GPC6: variants seen among roughly 807,000 people sequenced by gnomAD.
GPC6 encodes the protein glypican-6.
GPC6 carries 14 observed loss-of-function variants against 55.2 expected under a neutral mutation model. The ratio of observed to expected loss-of-function variants is 0.25; its 90% CI spans 0.17 to 0.40. GPC6 has a LOEUF of 0.40. Among genes scored for constraint, GPC6 ranks in the 10% least tolerant of loss-of-function variants. The pLI, the probability that GPC6 is intolerant of heterozygous loss-of-function variation, is 1.00. For synonymous variants in GPC6, 278 were observed against 259.6 expected (o/e 1.07, Z -0.68); for missense variants, 641 against 708.5 (o/e 0.90, Z 1.08).
intron 3 of GPC6, among the ~76,000 whole-genome samples, chr13:93,991,732 T>C (rs775219913): frequency 2.0e-5 from 3 of 152,174 alleles, no homozygotes; most frequent in Non-Finnish European, 4.4e-5. Flanking sequence ...GGAAGGGTGA[T>C]TACTGAGATG....
In GPC6 at chr13:94,043,516, G is replaced by A. The variant is rs538347203; in HGVS notation, c.877+15622G>A. ...ATAATAAAACCAGGAAATTAACATT[G>A]CTATAATACTATTAACTAAACTATA... On this transcript the variant is annotated intron_variant, in intron 4 of 8. Transcript: ENST00000377047. Among the ~76,000 whole-genome samples, 3 of 151,600 alleles carry A rather than the reference G, an allele frequency of 2.0e-5. No individual in the cohort carries two copies. The South Asian group carries it at 6.2e-4, about 32-fold the overall frequency.
intron 4 of GPC6, among the ~76,000 whole-genome samples, chr13:94,242,061 C>T (rs1891069565): frequency 6.6e-6 from 1 of 151,924 alleles, no homozygotes. Context: ...AATGCTATCC[C>T]TCCCCACTCC....
At chr13:93,474,480 T>A (rs902546795) in intron 1 of GPC6, among the ~76,000 whole-genome samples, 2 of 152,152 alleles carry the variant, frequency 1.3e-5, no homozygotes, top group Non-Finnish European at 2.9e-5. Flanking sequence ...TGCTGAGACT[T>A]TAGTTACCAC....
chr13:94,159,495 A>C (rs1594001980), intron 4 of GPC6, among the ~76,000 whole-genome samples: 1 of 152,158 alleles, frequency 6.6e-6, no homozygotes, highest in East Asian at 1.9e-4. Context: ...AAACCATCAG[A>C]TCTCATGAGA....
chr13:93,647,665 C>T (rs1034051815), intron 2 of GPC6, among the ~76,000 whole-genome samples: 7 of 152,250 alleles, frequency 4.6e-5, no homozygotes, highest in African/African-American at 1.7e-4. Context: ...CCTTTCAATC[C>T]GTGATTCTTC....
At chr13:93,452,012 T>A (rs985005113) in intron 1 of GPC6, among the ~76,000 whole-genome samples, 1 of 152,318 alleles carries the variant, frequency 6.6e-6, no homozygotes, top group African/African-American at 2.4e-5. Flanking sequence ...AAATGCTTTC[T>A]CTGGGTCGCT....
chr13:93,596,741 T>A (rs921157317), intron 2 of GPC6, among the ~76,000 whole-genome samples: 4 of 148,186 alleles, frequency 2.7e-5, no homozygotes, highest in Non-Finnish European at 5.9e-5. Context: ...TATGCATATA[T>A]ATATGTGTAT....
intron 2 of GPC6, among the ~76,000 whole-genome samples, chr13:93,794,835 G>T (rs927512143): frequency 1.3e-5 from 2 of 152,162 alleles, no homozygotes; most frequent in African/African-American, 4.8e-5. Context: ...ATAATAGGAA[G>T]TTTATTTTCA....
intron 2 of GPC6, among the ~76,000 whole-genome samples, chr13:93,675,192 C>G (rs9524165): frequency 0.26 from 39,416 of 151,904 alleles, 5,728 homozygotes; most frequent in East Asian, 0.47. Flanking sequence ...AAACCTATTT[C>G]TAATGTTTAT....
intron 1 of GPC6, among the ~76,000 whole-genome samples, chr13:93,363,895 G>A (rs577648754): frequency 1.3e-5 from 2 of 152,122 alleles, no homozygotes; most frequent in East Asian, 3.9e-4. Context: ...GTGATGCTGA[G>A]CATTTTTTCA....
At position 94,405,296 on chromosome 13, in the gene GPC6, T is replaced by G. The variant is rs956777686; in HGVS notation, c.*2079T>G. On this transcript the variant is annotated 3_prime_UTR_variant, in exon 9 of 9. Coordinates refer to ENST00000377047, the MANE Select transcript of GPC6 (RefSeq NM_005708.5). ...ACATACTCCTAGAAAACCATCCATTTCACTGCCCACATTTTGGCTTCCTAC... is the reference window on the plus strand; with the variant it reads ...ACATACTCCTAGAAAACCATCCATTGCACTGCCCACATTTTGGCTTCCTAC... 1 of 152,234 alleles carries G rather than the reference T, an allele frequency of 6.6e-6. No individual in the cohort carries two copies. Among genetic ancestry groups the G allele is most frequent in the Non-Finnish European group, 1.5e-5 (1 of 68,048 alleles). 9.4% of individuals were successfully genotyped at this position (152,234 alleles called of 1,614,324 possible).
At chr13:93,364,728 T>C in intron 1 of GPC6, among the ~76,000 whole-genome samples, 1 of 151,344 alleles carries the variant, frequency 6.6e-6, no homozygotes. Flanking sequence ...CACACATATA[T>C]GTATATATAT....
intron 1 of GPC6, among the ~76,000 whole-genome samples, chr13:93,313,490 G>A (rs1879141803): frequency 6.6e-6 from 1 of 152,046 alleles, no homozygotes; most frequent in Non-Finnish European, 1.5e-5. Flanking sequence ...ATAGCCTTTA[G>A]CCCATTTGTG....
intron 1 of GPC6, among the ~76,000 whole-genome samples, chr13:93,280,170 G>A (rs147569517): frequency 2.0e-5 from 3 of 151,384 alleles, no homozygotes; most frequent in Admixed American, 6.6e-5. Context: ...GTTCACATGT[G>A]GGGGGGGCCA....
intron 3 of GPC6, among the ~76,000 whole-genome samples, chr13:93,943,744 A>G (rs117979185): frequency 0.024 from 3,698 of 151,772 alleles, 58 homozygotes; most frequent in Non-Finnish European, 0.035. Context: ...TACCTGTTCT[A>G]CTCTCCTACG....
At chr13:94,102,393 C>T (rs1400958083) in intron 4 of GPC6, among the ~76,000 whole-genome samples, 1 of 152,066 alleles carries the variant, frequency 6.6e-6, no homozygotes, top group Non-Finnish European at 1.5e-5. Flanking sequence ...TTATGTGGCT[C>T]TCCAGGGGCC....
chr13:93,801,588 G>T (rs1436878261), intron 2 of GPC6, among the ~76,000 whole-genome samples: 1 of 152,044 alleles, frequency 6.6e-6, no homozygotes, highest in Admixed American at 6.6e-5. Flanking sequence ...CCCCATTCCT[G>T]GTAAATGTGC....
chr13:93,744,623 G>A (rs534934705), intron 2 of GPC6, among the ~76,000 whole-genome samples: 8 of 137,168 alleles, frequency 5.8e-5, no homozygotes, highest in African/African-American at 2.2e-4. Context: ...CTGACATCAA[G>A]CACTGTCAAA....
chr13:93,648,026 C>A (rs551972561), intron 2 of GPC6, among the ~76,000 whole-genome samples: 4 of 152,064 alleles, frequency 2.6e-5, no homozygotes, highest in Non-Finnish European at 5.9e-5. Flanking sequence ...GCGAGTGGCA[C>A]CATCCTTGAA....
Sources: allele counts gnomAD v4.1 joint callset (sites outside exome capture counted in the v4.1 genomes callset), GRCh38; gene constraint gnomAD v4.1.1; transcripts MANE v1.5; gene names NCBI Gene and HGNC (gene_info 2026-07-23, HGNC 2026-07-21).